Variants in STK11 observed in about 807,000 individuals in gnomAD.
STK11 encodes the protein serine/threonine kinase 11.
STK11 carries 8 observed loss-of-function variants against 47.3 expected under a neutral mutation model. That is an observed-to-expected ratio of 0.17 (90% CI 0.10 to 0.31). STK11 has a LOEUF of 0.31. Ranked by LOEUF, STK11 falls within the 10% of genes least tolerant of loss-of-function variation. The pLI is 1.00. For missense variants in STK11, 475 were observed against 605.0 expected (o/e 0.79, Z 2.25); for synonymous variants, 330 against 255.8 (o/e 1.29, Z -2.77).
rs1471473295 is a variant in STK11, at chr19:1,227,925, C to T, written c.*349C>T. The T allele has an allele frequency of 3.7e-6, 4 of 1,070,074 alleles. No individual in the cohort carries two copies. The highest frequency in any genetic ancestry group is 4.5e-5 in the South Asian group (1 of 22,034). The allele number at this position is 1,070,074 out of a possible 1,614,324, so 66.3% of individuals were successfully genotyped here. On this transcript the variant is annotated 3_prime_UTR_variant, in exon 10 of 10. Coordinates refer to ENST00000326873, the MANE Select transcript of STK11 (RefSeq NM_000455.5). ...TCGTGCTCCGCAGGGCGCCCAGCGC[C>T]GTCCGGCGGCCCCGCCGCAGACCAG...
At chr19:1,220,258 C>T (rs1309531978) in intron 3 of STK11, 115 bp from the exon 4 acceptor site, 8 of 1,391,332 alleles carry the variant, frequency 5.7e-6, no homozygotes, top group Non-Finnish European at 5.8e-6. Context: ...GCCTGGACTT[C>T]TGTGACTTCC....
rs958414259 is a variant in STK11, at chr19:1,228,105, G to C, written c.*529G>C. The stretch of plus-strand genomic sequence containing the variant: ...TAAAAGGTGGATTTGAGCTGTGGCT[G>C]TGAGGGGTGTTTGGGAGCTGCTGGG... On this transcript the variant is annotated 3_prime_UTR_variant, in exon 10 of 10. Coordinates refer to ENST00000326873, the MANE Select transcript of STK11 (RefSeq NM_000455.5). 30 of 1,065,108 alleles carry C rather than the reference G, an allele frequency of 2.8e-5. No homozygotes were observed. The highest frequency in any genetic ancestry group is 3.3e-5 in the Non-Finnish European group (29 of 879,246). 66.0% of individuals were successfully genotyped at this position (1,065,108 alleles called of 1,614,324 possible).
intron 9 of STK11, chr19:1,227,097 C>G (rs1458242929): frequency 5.5e-6 from 1 of 183,024 alleles, no homozygotes; most frequent in Non-Finnish European, 1.1e-5. Context: ...CGGGGTGCCG[C>G]AGGCTCTGAG....
At chr19:1,224,119 G>T in intron 8 of STK11, 1 of 990,926 alleles carries the variant, frequency 1.0e-6, no homozygotes, top group Non-Finnish European at 1.2e-6. Context: ...CAAACCCCTA[G>T]GCTCAGCTCA....
rs896033152 is a variant in STK11 at position 1,227,579 on chromosome 19, C to T, written c.*17-14C>T. 39 of 1,064,278 alleles carry T rather than the reference C, an allele frequency of 3.7e-5. No individual in the cohort carries two copies. Among genetic ancestry groups the T allele is most frequent in the Non-Finnish European group, 4.4e-5 (39 of 878,630 alleles). The allele number at this position is 1,064,278 out of a possible 1,614,324, so 65.9% of individuals were successfully genotyped here. A position where few individuals can be genotyped will look rare whatever the true frequency, so the allele number is the denominator to read the frequency against. ...GCCCAGGCTGACCTCTTCCGTCTTC[C>T]TTCCACCCTGCAGCCCGTGTCCAGG... On this transcript the variant is annotated splice_polypyrimidine_tract_variant and intron_variant, in intron 9 of 9. Transcript: ENST00000326873.
intron 1 of STK11, among the ~76,000 whole-genome samples, chr19:1,217,819 C>T (rs966938696): frequency 6.6e-6 from 1 of 152,194 alleles, no homozygotes; most frequent in Non-Finnish European, 1.5e-5. Context: ...AGTCTGGGCT[C>T]CATCTGTGCT....
chr19:1,220,344 GC>G, intron 3 of STK11, 28 bp from the exon 4 acceptor site: 1 of 1,586,964 alleles, frequency 6.3e-7, no homozygotes. Context: ...GGAGGCCTCG[GC>G]CCCAGGACGG....
chr19:1,223,315 G>A, intron 8 of STK11, 143 bp downstream of exon 8: 2 of 1,084,080 alleles, frequency 1.8e-6, no homozygotes, highest in Non-Finnish European at 1.3e-6. Flanking sequence ...CAGCCCACCT[G>A]CAGGCTGCCT....
chr19:1,221,872 G>A (rs2145428325), intron 6 of STK11, 77 bp from the exon 7 acceptor site: 1 of 1,509,906 alleles, frequency 6.6e-7, no homozygotes, highest in East Asian at 2.5e-5. Flanking sequence ...TGACAACAGA[G>A]GCTGGGCAGG....
chr19:1,216,650 T>C (rs2080746759), intron 1 of STK11, among the ~76,000 whole-genome samples: 1 of 151,400 alleles, frequency 6.6e-6, no homozygotes, highest in Admixed American at 6.6e-5. Flanking sequence ...GCAGATGACT[T>C]GAGCCTAGTA....
intron 1 of STK11, among the ~76,000 whole-genome samples, chr19:1,208,891 G>A (rs2080689587): frequency 6.6e-6 from 1 of 151,586 alleles, no homozygotes; most frequent in Admixed American, 6.6e-5. Flanking sequence ...AAAGTGCTGG[G>A]ATTAAAGGCG....
intron 7 of STK11, among the ~76,000 whole-genome samples, 183 bp from the exon 8 acceptor site, chr19:1,222,802 C>T (rs1286470814): frequency 6.6e-6 from 1 of 152,196 alleles, no homozygotes; most frequent in African/African-American, 2.4e-5. Flanking sequence ...GGCTTGGAGT[C>T]AGGTCAGCCT....
chr19:1,212,475 C>T (rs926783609), intron 1 of STK11, among the ~76,000 whole-genome samples: 2 of 152,080 alleles, frequency 1.3e-5, no homozygotes, highest in Non-Finnish European at 2.9e-5. Context: ...TGGTCTCAAA[C>T]TCCTAGACTC....
chr19:1,213,558 T>C (rs950466041), intron 1 of STK11, among the ~76,000 whole-genome samples: 2 of 152,126 alleles, frequency 1.3e-5, no homozygotes, highest in Non-Finnish European at 2.9e-5. Flanking sequence ...TCTCACGGAG[T>C]GTGCTGTCCT....
At chr19:1,226,347 C>A in intron 8 of STK11, 107 bp from the exon 9 acceptor site, 1 of 1,518,758 alleles carries the variant, frequency 6.6e-7, no homozygotes, top group Non-Finnish European at 8.9e-7. Context: ...GCGGGCATGG[C>A]CTGGGCAGCA....
At position 1,223,099 on chromosome 19, in the gene STK11, C is replaced by T. The variant is rs751619208; in HGVS notation, c.1035C>T (p.His345=). 49 of 1,610,832 alleles carry T rather than the reference C, an allele frequency of 3.0e-5. No individual in the cohort carries two copies. The highest frequency in any genetic ancestry group is 1.6e-4 in the Middle Eastern group (1 of 6,080). The change falls in exon 8 of 10, where the codon CAC becomes CAT. Residue 345 remains histidine (H), a synonymous_variant. Transcript: ENST00000326873. ...MTVVPYLEDL[H]GADEDEDLFD... ...TGGTGCCGTACTTGGAGGACCTGCA[C>T]GGCGCGGACGAGGACGAGGACCTCT...
chr19:1,216,025 G>T (rs150427284), intron 1 of STK11, among the ~76,000 whole-genome samples: 58 of 151,884 alleles, frequency 3.8e-4, no homozygotes, highest in Non-Finnish European at 7.4e-4. Flanking sequence ...GAGTCACCGC[G>T]CCTGGCCCCC....
At chr19:1,222,590 G>A (rs930343426) in intron 7 of STK11, among the ~76,000 whole-genome samples, 5 of 152,196 alleles carry the variant, frequency 3.3e-5, no homozygotes, top group African/African-American at 1.2e-4. Flanking sequence ...GTGCCTTGGG[G>A]GTCTCTGCAC....
At chr19:1,209,970 G>C (rs1193929539) in intron 1 of STK11, among the ~76,000 whole-genome samples, 2 of 152,206 alleles carry the variant, frequency 1.3e-5, no homozygotes, top group South Asian at 2.1e-4. Context: ...ACCCTCACTA[G>C]TGTTCAGCGT....
Sources: gnomAD v4.1 joint callset for allele counts (sites outside exome capture counted in the v4.1 genomes callset) on GRCh38, gnomAD v4.1.1 for gene constraint, MANE v1.5 for transcripts, NCBI Gene and HGNC (gene_info 2026-07-23, HGNC 2026-07-21) for gene names.